The following NALF1 variants were observed in gnomAD, a reference collection of about 807,000 sequenced individuals.
NALF1 encodes the protein NALCN channel auxiliary factor 1.
A neutral mutation model predicts 48.4 loss-of-function variants in NALF1; 3 were observed. The ratio of observed to expected loss-of-function variants is 0.06; its 90% CI spans 0.03 to 0.16. NALF1 has a LOEUF of 0.16. NALF1 is among the 10% of genes least tolerant of loss of function. The pLI, the probability that NALF1 is intolerant of heterozygous loss-of-function variation, is 1.00. For missense variants in NALF1, 526 were observed against 571.5 expected, an observed-to-expected ratio of 0.92 and a Z score of 0.81; for synonymous variants, 262 against 245.7, an observed-to-expected ratio of 1.07 and a Z score of -0.62.
At chr13:107,436,801 A>T (rs1884470426) in intron 1 of NALF1, among the ~76,000 whole-genome samples, 1 of 152,186 alleles carries the variant, frequency 6.6e-6, no homozygotes, top group South Asian at 2.1e-4. Context: ...TTTGCAGATG[A>T]CATGATTGTT....
intron 1 of NALF1, among the ~76,000 whole-genome samples, chr13:107,405,545 T>C (rs1008221382): frequency 2.0e-5 from 3 of 152,080 alleles, no homozygotes; most frequent in African/African-American, 7.2e-5. Flanking sequence ...TTTGAGCAGC[T>C]AATCTTGGGC....
At chr13:107,846,418 T>C (rs1594311170) in intron 1 of NALF1, among the ~76,000 whole-genome samples, 2 of 152,182 alleles carry the variant, frequency 1.3e-5, no homozygotes, top group South Asian at 4.1e-4. Flanking sequence ...GAATGTTCAT[T>C]AGTCAGGGAA....
chr13:107,188,937 C>T (rs1401195785), intron 2 of NALF1, among the ~76,000 whole-genome samples: 2 of 152,142 alleles, frequency 1.3e-5, no homozygotes, highest in Admixed American at 6.5e-5. Context: ...GACACAAACT[C>T]TTAAGAAAAG....
At chr13:107,545,767 C>A (rs117012936) in intron 1 of NALF1, among the ~76,000 whole-genome samples, 2 of 151,996 alleles carry the variant, frequency 1.3e-5, no homozygotes, top group South Asian at 2.1e-4. Context: ...ATAGGCAGTG[C>A]GAGATGGTAT....
At chr13:107,205,017 T>G (rs568306501) in intron 2 of NALF1, among the ~76,000 whole-genome samples, 1 of 152,258 alleles carries the variant, frequency 6.6e-6, no homozygotes, top group African/African-American at 2.4e-5. Context: ...TTTCTTTTAT[T>G]ATTATACTTT....
At chr13:107,576,272 T>A (rs1033818174) in intron 1 of NALF1, among the ~76,000 whole-genome samples, 1 of 152,218 alleles carries the variant, frequency 6.6e-6, no homozygotes, top group Non-Finnish European at 1.5e-5. Context: ...GAATTGCTAA[T>A]TTATACATGT....
At chr13:107,250,653 G>T (rs1470007696) in intron 1 of NALF1, among the ~76,000 whole-genome samples, 1 of 152,160 alleles carries the variant, frequency 6.6e-6, no homozygotes, top group Admixed American at 6.5e-5. Flanking sequence ...TGGTAGAGCT[G>T]AGTCTTCTCT....
rs1278295312 is a variant in NALF1, at chr13:107,516,864, T to C, written c.916-306109A>G. Among the ~76,000 whole-genome samples, 4 of 152,190 alleles carry C rather than the reference T, an allele frequency of 2.6e-5. No homozygotes were observed. In the South Asian group the frequency reaches 8.3e-4, roughly 32 times the overall value. On this transcript the variant is annotated intron_variant, in intron 1 of 2. Coordinates refer to ENST00000375915, the MANE Select transcript of NALF1 (RefSeq NM_001080396.3). ...TTTGTGGTTTGTCAATTTGCAAAAG[T>C]GGACATGAATTCTTTAATAAACGCC...
intron 1 of NALF1, among the ~76,000 whole-genome samples, chr13:107,225,488 G>A (rs1305801829): frequency 2.0e-5 from 3 of 152,016 alleles, no homozygotes; most frequent in South Asian, 2.1e-4. Flanking sequence ...TGTTGCCCAG[G>A]GTGGTCTTGA....
At chr13:107,201,892 T>A (rs541425516) in intron 2 of NALF1, among the ~76,000 whole-genome samples, 2 of 152,234 alleles carry the variant, frequency 1.3e-5, no homozygotes, top group East Asian at 3.9e-4. Context: ...AGCCTTACTT[T>A]CTGGCAGGAG....
intron 1 of NALF1, among the ~76,000 whole-genome samples, chr13:107,523,712 G>A (rs1378255300): frequency 6.6e-6 from 1 of 151,742 alleles, no homozygotes; most frequent in Non-Finnish European, 1.5e-5. Context: ...CTATCTATGG[G>A]AATAAGGCAA....
In NALF1 at chr13:107,867,136, CCTCCTCCTCTTCTT is replaced by C. The variant is rs922358652; in HGVS notation, c.-554_-541del. Among the ~76,000 whole-genome samples, 3 of 151,828 alleles carry C rather than the reference CCTCCTCCTCTTCTT, an allele frequency of 2.0e-5. No homozygotes were observed. The highest frequency in any genetic ancestry group is 6.5e-5 in the Admixed American group (1 of 15,276). ...CCGGAGCGCCTCCCCTCCTCCTCCT[CCTCCTCCTCTTCTT>C]CTCCTCCTCTTCCTCCTCCTTCCTT... On this transcript the variant is annotated 5_prime_UTR_variant, in exon 1 of 3. Coordinates refer to ENST00000375915, the MANE Select transcript of NALF1 (RefSeq NM_001080396.3). This position sits in a 1 kb window ranked among gnomAD's most constrained non-coding sequence, Gnocchi z 4.4.
At chr13:107,174,936 T>A (rs969927668) in intron 2 of NALF1, among the ~76,000 whole-genome samples, 1 of 150,876 alleles carries the variant, frequency 6.6e-6, no homozygotes, top group Non-Finnish European at 1.5e-5. Flanking sequence ...CAGGCTGGAG[T>A]GCAGCGGCGC....
intron 2 of NALF1, among the ~76,000 whole-genome samples, chr13:107,189,529 G>A (rs968343381): frequency 2.6e-5 from 4 of 152,116 alleles, no homozygotes; most frequent in African/African-American, 9.7e-5. Context: ...AGAGGTCCGT[G>A]CTCTGTAGCT....
chr13:107,845,362 T>C (rs1406784700), intron 1 of NALF1, among the ~76,000 whole-genome samples: 1 of 152,162 alleles, frequency 6.6e-6, no homozygotes, highest in Non-Finnish European at 1.5e-5. Context: ...GAATGTCCAG[T>C]GTGTGCTGTG....
chr13:107,245,325 T>C (rs1880559207), intron 1 of NALF1, among the ~76,000 whole-genome samples: 1 of 152,244 alleles, frequency 6.6e-6, no homozygotes. Flanking sequence ...ACGATGTCTC[T>C]AGTATAAAGT....
intron 1 of NALF1, among the ~76,000 whole-genome samples, chr13:107,472,953 T>G (rs1482116246): frequency 6.6e-6 from 1 of 152,190 alleles, no homozygotes. Flanking sequence ...GCTCCTCTTT[T>G]GCTGCTTTTT....
chr13:107,375,501 A>G (rs1235725892), intron 1 of NALF1, among the ~76,000 whole-genome samples: 1 of 152,110 alleles, frequency 6.6e-6, no homozygotes, highest in East Asian at 1.9e-4. Context: ...GAAATGTCTC[A>G]TTTTTGTGCT....
At chr13:107,378,858 C>A (rs754508964) in intron 1 of NALF1, among the ~76,000 whole-genome samples, 2 of 151,968 alleles carry the variant, frequency 1.3e-5, no homozygotes, top group Non-Finnish European at 2.9e-5. Context: ...GACATAGAGG[C>A]ATTTACTGTT....
Sources: gnomAD v4.1 joint callset for allele counts (sites outside exome capture counted in the v4.1 genomes callset) on GRCh38, gnomAD v4.1.1 for gene constraint, Gnocchi (gnomAD v3.1) non-coding constraint, MANE v1.5 for transcripts, NCBI Gene and HGNC (gene_info 2026-07-23, HGNC 2026-07-21) for gene names.